Variants in CCDC138 observed in about 807,000 individuals in gnomAD.
CCDC138 encodes coiled-coil domain containing 138.
CCDC138 carries 66 observed loss-of-function variants against 82.3 expected under a neutral mutation model. The observed-to-expected ratio is 0.80, with a 90% CI of 0.66 to 0.98. The LOEUF is 0.98. CCDC138 is among the 50% of genes least tolerant of loss of function. The probability of loss-of-function intolerance (pLI) is 0.00; values close to 1 mark genes in which losing one functional copy is unlikely to be tolerated. For synonymous variants in CCDC138, 297 were observed against 265.4 expected (o/e 1.12, Z -1.16); for missense variants, 816 against 758.9 (o/e 1.08, Z -0.88).
intron 2 of CCDC138, chr2:108,884,984 T>G (rs1236093027): frequency 6.6e-6 from 1 of 152,220 alleles, no homozygotes; most frequent in Non-Finnish European, 1.5e-5. Flanking sequence ...TACATCAAAA[T>G]TTCTTCCCAA....
intron 13 of CCDC138, among the ~76,000 whole-genome samples, chr2:108,870,041 A>G (rs923229387): frequency 2.6e-5 from 4 of 152,242 alleles, no homozygotes; most frequent in Admixed American, 1.3e-4. Context: ...ATGAGAAATA[A>G]TGAAATCAGG....
At chr2:108,872,895 G>A (rs1695498277) in intron 13 of CCDC138, among the ~76,000 whole-genome samples, 1 of 152,146 alleles carries the variant, frequency 6.6e-6, no homozygotes, top group Non-Finnish European at 1.5e-5. Flanking sequence ...GTCTTAACTT[G>A]TAATAGCTTC....
At chr2:108,792,931 G>GCA (rs1413053187) in intron 4 of CCDC138, among the ~76,000 whole-genome samples, 1 of 151,278 alleles carries the variant, frequency 6.6e-6, no homozygotes, top group Non-Finnish European at 1.5e-5. Context: ...AGGCATGGTA[G>GCA]CACGTGCCTG....
intron 13 of CCDC138, among the ~76,000 whole-genome samples, chr2:108,863,544 C>G (rs1458898815): frequency 3.3e-5 from 5 of 152,158 alleles, no homozygotes; most frequent in Admixed American, 6.5e-5. Flanking sequence ...TGGGCATCAT[C>G]AAGACTTGGG....
Position 108,856,793 on chromosome 2 carries a change from G to C in CCDC138, c.1517-1G>C. 6.2e-7 allele frequency: 1 copy of C among 1,612,110 alleles called. No homozygotes were observed. Among genetic ancestry groups the C allele is most frequent in the Non-Finnish European group, 8.5e-7 (1 of 1,179,410 alleles). On this transcript the variant is annotated splice_acceptor_variant, in intron 12 of 14. Coordinates refer to ENST00000295124, the MANE Select transcript of CCDC138 (RefSeq NM_144978.3). LOFTEE classifies it high-confidence loss of function. ...GTTGATTGTACATAACTATTTTCCA[G>C]CTGATTACCTGGCTCAGGCATTTGA...
intron 10 of CCDC138, among the ~76,000 whole-genome samples, chr2:108,831,828 G>C (rs1411308160): frequency 1.3e-5 from 2 of 152,004 alleles, no homozygotes; most frequent in African/African-American, 4.8e-5. Context: ...TGCCTCCTGG[G>C]TTCAAGCGAT....
intron 12 of CCDC138, among the ~76,000 whole-genome samples, chr2:108,853,897 AT>A (rs1692013773): frequency 8.3e-6 from 1 of 119,862 alleles, no homozygotes; most frequent in Non-Finnish European, 1.6e-5. Context: ...TATAGTATAT[AT>A]ATTATATATT....
At chr2:108,829,824 G>T (rs1390797608) in intron 10 of CCDC138, among the ~76,000 whole-genome samples, 1 of 152,192 alleles carries the variant, frequency 6.6e-6, no homozygotes, top group Non-Finnish European at 1.5e-5. Flanking sequence ...TTGTTTACTG[G>T]TGATAGGAAT....
rs1170634302 is a variant in CCDC138, at chr2:108,804,852, C to G, written c.736-37C>G. Reference sequence around the variant, plus strand: ...TAGTATTAGTGATATACAGTCCTTACAAGTTTTAGATGAGAGTTTTTTTTT... The same window carrying G: ...TAGTATTAGTGATATACAGTCCTTAGAAGTTTTAGATGAGAGTTTTTTTTT... On this transcript the variant is annotated intron_variant, in intron 6 of 14. Coordinates refer to ENST00000295124, the MANE Select transcript of CCDC138 (RefSeq NM_144978.3). The G allele has an allele frequency of 5.5e-6, 8 of 1,465,876 alleles. No homozygotes were observed. In the Admixed American group the frequency reaches 2.2e-4, roughly 40 times the overall value. 90.8% of individuals were successfully genotyped at this position (1,465,876 alleles called of 1,614,324 possible).
intron 11 of CCDC138, among the ~76,000 whole-genome samples, chr2:108,844,950 G>T (rs1690187380): frequency 6.6e-6 from 1 of 152,056 alleles, no homozygotes; most frequent in South Asian, 2.1e-4. Flanking sequence ...GTTTCACCAT[G>T]TTGGCCAGAA....
intron 12 of CCDC138, among the ~76,000 whole-genome samples, chr2:108,850,436 C>T (rs951548703): frequency 1.3e-5 from 2 of 151,798 alleles, no homozygotes; most frequent in Non-Finnish European, 2.9e-5. Flanking sequence ...TAATACTTGG[C>T]GAGTTTTTTT....
chr2:108,836,812 A>G (rs893722212), intron 10 of CCDC138, among the ~76,000 whole-genome samples: 1 of 151,622 alleles, frequency 6.6e-6, no homozygotes, highest in South Asian at 2.1e-4. Flanking sequence ...ATTTTCATTC[A>G]TTTTGATGCT....
At chr2:108,812,311 A>G (rs1279884611) in intron 7 of CCDC138, among the ~76,000 whole-genome samples, 1 of 152,174 alleles carries the variant, frequency 6.6e-6, no homozygotes, top group Non-Finnish European at 1.5e-5. Context: ...AGGATTTTAT[A>G]CTTTTCTTTA....
intron 5 of CCDC138, among the ~76,000 whole-genome samples, chr2:108,797,161 A>G (rs1436650875): frequency 2.0e-5 from 3 of 152,162 alleles, no homozygotes; most frequent in Admixed American, 6.5e-5. Context: ...TTAAGCAGAA[A>G]GGGTATAAGG....
intron 13 of CCDC138, among the ~76,000 whole-genome samples, chr2:108,868,543 G>A (rs1371013952): frequency 1.3e-5 from 2 of 152,116 alleles, no homozygotes; most frequent in Non-Finnish European, 2.9e-5. Flanking sequence ...TCTGGAGACT[G>A]TAACACCTAA....
intron 10 of CCDC138, among the ~76,000 whole-genome samples, chr2:108,817,915 C>T (rs1685067100): frequency 6.6e-6 from 1 of 152,190 alleles, no homozygotes; most frequent in African/African-American, 2.4e-5. Context: ...TTAGTACCTA[C>T]ATCAATTATT....
chr2:108,804,970 G>C lies in CCDC138; in HGVS notation c.817G>C (p.Asp273His), dbSNP rs754140438. The C allele has an allele frequency of 4.5e-6, 7 of 1,569,450 alleles. No homozygotes were observed. The highest frequency in any genetic ancestry group is 6.0e-6 in the Non-Finnish European group (7 of 1,162,812). The change falls in exon 7 of 15, where the codon GAT becomes CAT. Residue 273 changes from aspartate (D) to histidine (H), a missense_variant. By Grantham distance (81) the Asp-to-His change is moderately conservative. Transcript: ENST00000295124. ...AACCAAGAGACTGAGGTCCTCTTTT[G>C]ATGCATTGAAAGAATTGAATGATAC... ...KETKRLRSSFDALKELNDTLK... is the reference protein window; with the variant it reads ...KETKRLRSSFHALKELNDTLK...
intron 11 of CCDC138, among the ~76,000 whole-genome samples, chr2:108,845,199 A>G (rs1263408899): frequency 6.6e-6 from 1 of 152,226 alleles, no homozygotes; most frequent in Non-Finnish European, 1.5e-5. Flanking sequence ...TTTTTTACAC[A>G]AAGGTTTAAA....
chr2:108,806,883 A>C (rs1463201140), intron 7 of CCDC138, among the ~76,000 whole-genome samples: 1 of 152,198 alleles, frequency 6.6e-6, no homozygotes, highest in African/African-American at 2.4e-5. Flanking sequence ...CATCATAGGG[A>C]GATAGTCCCA....
Sources: allele counts gnomAD v4.1 joint callset (sites outside exome capture counted in the v4.1 genomes callset), GRCh38; gene constraint gnomAD v4.1.1; transcripts MANE v1.5; gene names NCBI Gene and HGNC (gene_info 2026-07-23, HGNC 2026-07-21).